Variants in DSCAM observed in about 807,000 individuals in gnomAD.
DSCAM encodes the protein cell adhesion molecule DSCAM.
Under a neutral mutation model 217.7 loss-of-function variants are expected in DSCAM, and 47 were observed. The observed-to-expected ratio is 0.22, with a 90% CI of 0.17 to 0.28. DSCAM has a LOEUF of 0.28. Among genes scored for constraint, DSCAM ranks in the 10% least tolerant of loss-of-function variants. The pLI is 1.00. For synonymous variants in DSCAM, 1,056 were observed against 1,015.3 expected (o/e 1.04, Z -0.76); for missense variants, 2,080 against 2,618.3 (o/e 0.79, Z 4.49).
intron 14 of DSCAM, among the ~76,000 whole-genome samples, chr21:40,180,595 G>A (rs2146805782): frequency 6.6e-6 from 1 of 152,194 alleles, no homozygotes; most frequent in Non-Finnish European, 1.5e-5. Flanking sequence ...CTTCTGCAGA[G>A]ATGTTTAGGA....
At chr21:40,755,546 G>A (rs1868350978) in intron 1 of DSCAM, among the ~76,000 whole-genome samples, 1 of 152,146 alleles carries the variant, frequency 6.6e-6, no homozygotes, top group South Asian at 2.1e-4. Context: ...TGGTTTAGAT[G>A]ATAGAAACTC....
At chr21:40,698,145 T>C (rs1248831990) in intron 2 of DSCAM, among the ~76,000 whole-genome samples, 1 of 152,200 alleles carries the variant, frequency 6.6e-6, no homozygotes, top group African/African-American at 2.4e-5. Context: ...TACACACACA[T>C]GGCTTATTTA....
rs1223521691 is a variant in DSCAM, at chr21:40,094,082, C to T, written c.3697-208G>A. On this transcript the variant is annotated intron_variant, in intron 20 of 32. Transcript: ENST00000400454. ...TTTTTCTCTGCAGCAGCTTTGATGG[C>T]CACCAATAAATAATTTACCCCTTTA... 3.3e-5 allele frequency among the ~76,000 whole-genome samples: 5 copies of T among 152,108 alleles called. No homozygotes were observed. The East Asian group carries it at 9.6e-4, about 29-fold the overall frequency.
intron 3 of DSCAM, among the ~76,000 whole-genome samples, chr21:40,380,043 A>G (rs902818279): frequency 2.6e-5 from 4 of 152,354 alleles, no homozygotes; most frequent in Admixed American, 1.3e-4. Context: ...TTTGGTGTAC[A>G]TATTTTAAAT....
chr21:40,405,440 G>A (rs1269828089), intron 3 of DSCAM, among the ~76,000 whole-genome samples: 1 of 152,134 alleles, frequency 6.6e-6, no homozygotes, highest in Non-Finnish European at 1.5e-5. Flanking sequence ...GCATTGGTCT[G>A]GGCAAATAAT....
At chr21:40,742,726 TTTGAATG>T (rs2146545413) in intron 1 of DSCAM, among the ~76,000 whole-genome samples, 1 of 152,326 alleles carries the variant, frequency 6.6e-6, no homozygotes, top group South Asian at 2.1e-4. Context: ...TGCTGGTTAC[TTTGAATG>T]GATTACGTCC....
Position 40,708,692 on chromosome 21 carries a change from C to A in DSCAM, c.123G>T (p.Gly41=), listed in dbSNP as rs2090744254. 1.9e-6 allele frequency: 3 copies of A among 1,611,604 alleles called. No individual in the cohort carries two copies. The South Asian group carries it at 3.3e-5, about 18-fold the overall frequency. The change falls in exon 2 of 33, where the codon GGG becomes GGT. Residue 41 remains glycine (G), a synonymous_variant. Coordinates refer to ENST00000400454, the MANE Select transcript of DSCAM (RefSeq NM_001389.5). ...LQEVVFASTT[G]TLVPCPAAGI... ...CTGCTGCGGGGCAGGGCACCAGAGT[C>A]CCCGTGGTGCTGGCAAACACTACCT...
intron 11 of DSCAM, among the ~76,000 whole-genome samples, chr21:40,227,877 C>T (rs965779952): frequency 6.6e-6 from 1 of 152,134 alleles, no homozygotes; most frequent in Admixed American, 6.5e-5. Flanking sequence ...TCAGATGACC[C>T]TACCTGCTAC....
chr21:40,253,569 G>C (rs1012382443), intron 11 of DSCAM, among the ~76,000 whole-genome samples: 1 of 152,202 alleles, frequency 6.6e-6, no homozygotes, highest in African/African-American at 2.4e-5. Flanking sequence ...ATGAGAGGAG[G>C]GGGACATTCA....
At chr21:40,202,548 A>G (rs1284356703) in intron 11 of DSCAM, among the ~76,000 whole-genome samples, 2 of 152,108 alleles carry the variant, frequency 1.3e-5, no homozygotes, top group Non-Finnish European at 2.9e-5. Context: ...CTGTACCTAT[A>G]ATTACAGCAC....
chr21:40,102,628 T>A (rs938236895), intron 20 of DSCAM, among the ~76,000 whole-genome samples: 12 of 152,202 alleles, frequency 7.9e-5, no homozygotes, highest in African/African-American at 2.9e-4. Flanking sequence ...TTTCTTTTCA[T>A]GTGTAAGATG....
At chr21:40,118,044 T>C (rs1048859387) in intron 20 of DSCAM, among the ~76,000 whole-genome samples, 2 of 152,208 alleles carry the variant, frequency 1.3e-5, no homozygotes, top group African/African-American at 4.8e-5. Flanking sequence ...AGAAGGTTTT[T>C]AGAATATGAA....
chr21:40,746,386 A>AAG (rs2091174997), intron 1 of DSCAM, among the ~76,000 whole-genome samples: 1 of 151,178 alleles, frequency 6.6e-6, no homozygotes, highest in Non-Finnish European at 1.5e-5. Context: ...AAAAAAAAAA[A>AAG]GCAGGAATAA....
At chr21:40,347,006 GA>G (rs1238579724) in intron 6 of DSCAM, among the ~76,000 whole-genome samples, 2 of 152,114 alleles carry the variant, frequency 1.3e-5, no homozygotes, top group African/African-American at 4.8e-5. Context: ...TGCTGCCAAA[GA>G]TCCTATAACA....
intron 3 of DSCAM, among the ~76,000 whole-genome samples, chr21:40,551,558 G>A (rs2076630161): frequency 6.6e-6 from 1 of 152,130 alleles, no homozygotes; most frequent in South Asian, 2.1e-4. Flanking sequence ...GGGAGGGCCT[G>A]GAAGATGAAA....
chr21:40,360,103 C>T (rs8133002), intron 4 of DSCAM, among the ~76,000 whole-genome samples: 92,064 of 126,316 alleles, frequency 0.73, 34,744 homozygotes, highest in African/African-American at 0.83. Flanking sequence ...AGGTAGTGAG[C>T]ATGGTACTTC....
chr21:40,471,240 T>C (rs1014966426), intron 3 of DSCAM, among the ~76,000 whole-genome samples: 1 of 152,290 alleles, frequency 6.6e-6, no homozygotes, highest in Middle Eastern at 3.4e-3. Flanking sequence ...AAGTCATCTG[T>C]TTGTGTGTCA....
At chr21:40,468,999 TC>T (rs2075867008) in intron 3 of DSCAM, among the ~76,000 whole-genome samples, 1 of 152,022 alleles carries the variant, frequency 6.6e-6, no homozygotes, top group Non-Finnish European at 1.5e-5. Flanking sequence ...AAGATGCCAC[TC>T]AGTGCCCAGC....
chr21:40,487,232 ACTCTCTCTCTCTCTCTTTCTCTCCCT>A (rs548507266), intron 3 of DSCAM, among the ~76,000 whole-genome samples: 2 of 109,242 alleles, frequency 1.8e-5, no homozygotes, highest in African/African-American at 6.6e-5. Flanking sequence ...ATAACCTGTA[ACTCTCTCTCTCTCTCTTTCTCTCCCT>A]CTCTCTCTCT....
Sources: allele counts gnomAD v4.1 joint callset (sites outside exome capture counted in the v4.1 genomes callset), GRCh38; gene constraint gnomAD v4.1.1; transcripts MANE v1.5; gene names NCBI Gene and HGNC (gene_info 2026-07-23, HGNC 2026-07-21).